The following ZBTB20 variants were observed in gnomAD, a reference collection of about 807,000 sequenced individuals.
The protein encoded by ZBTB20 is zinc finger and BTB domain-containing protein 20.
ZBTB20 carries 9 observed loss-of-function variants against 56.9 expected under a neutral mutation model. The observed-to-expected ratio is 0.16, with a 90% confidence interval of 0.10 to 0.28. ZBTB20 has a LOEUF of 0.28. Ranked by LOEUF, ZBTB20 falls within the 10% of genes least tolerant of loss-of-function variation. The pLI is 1.00. For synonymous variants in ZBTB20, 417 were observed against 420.7 expected (o/e 0.99, Z 0.11); for missense variants, 655 against 1,003.0 (o/e 0.65, Z 4.69).
chr3:114,635,982 T>C (rs571658456), intron 6 of ZBTB20, among the ~76,000 whole-genome samples: 5 of 152,072 alleles, frequency 3.3e-5, no homozygotes, highest in African/African-American at 1.2e-4. Context: ...CAAGACCCAT[T>C]ATAATCCAAT....
At chr3:115,134,552 T>G (rs2084602846) in intron 1 of ZBTB20, among the ~76,000 whole-genome samples, 1 of 152,226 alleles carries the variant, frequency 6.6e-6, no homozygotes, top group Admixed American at 6.5e-5. Flanking sequence ...TTTGGTCTTT[T>G]CATTCACTAA....
At chr3:114,510,947 G>A (rs1422254035) in intron 6 of ZBTB20, among the ~76,000 whole-genome samples, 4 of 151,784 alleles carry the variant, frequency 2.6e-5, no homozygotes, top group African/African-American at 9.7e-5. Context: ...TTTTTCCAAA[G>A]GGAATGCCTT....
At chr3:115,107,547 T>C (rs1240239342) in intron 1 of ZBTB20, among the ~76,000 whole-genome samples, 2 of 152,190 alleles carry the variant, frequency 1.3e-5, no homozygotes, top group African/African-American at 4.8e-5. Context: ...TTTTACACCA[T>C]TGGTGGGAAT....
chr3:114,734,691 T>C (rs1194900685), intron 5 of ZBTB20, among the ~76,000 whole-genome samples: 2 of 152,092 alleles, frequency 1.3e-5, no homozygotes, highest in Non-Finnish European at 2.9e-5. Flanking sequence ...GAAAGATTAA[T>C]AAAAGCAAGA....
intron 2 of ZBTB20, among the ~76,000 whole-genome samples, chr3:115,042,008 T>C (rs528987484): frequency 6.6e-6 from 1 of 152,196 alleles, no homozygotes; most frequent in South Asian, 2.1e-4. Context: ...CTCTTGCCAC[T>C]CCATCCCCAG....
intron 6 of ZBTB20, among the ~76,000 whole-genome samples, chr3:114,562,118 GGAGTCA>G (rs2052140694): frequency 6.6e-6 from 1 of 151,896 alleles, no homozygotes; most frequent in South Asian, 2.1e-4. Flanking sequence ...ATAGAATTGA[GGAGTCA>G]GTGCCTTGCT....
chr3:114,601,826 T>C (rs754158905), intron 6 of ZBTB20, among the ~76,000 whole-genome samples: 3 of 151,926 alleles, frequency 2.0e-5, no homozygotes, highest in Non-Finnish European at 4.4e-5. Flanking sequence ...ATTTGGTTTG[T>C]GAAAGAGAGT....
At chr3:114,683,016 T>TA (rs1405091048) in intron 6 of ZBTB20, among the ~76,000 whole-genome samples, 1 of 152,218 alleles carries the variant, frequency 6.6e-6, no homozygotes, top group African/African-American at 2.4e-5. Context: ...AAATGTTTGA[T>TA]AAACTTTTCT....
At chr3:114,360,986 T>C (rs2081809000) in intron 10 of ZBTB20, among the ~76,000 whole-genome samples, 1 of 152,162 alleles carries the variant, frequency 6.6e-6, no homozygotes, top group Non-Finnish European at 1.5e-5. Context: ...GTAGAAGGCA[T>C]ACTTTATAAT....
At chr3:114,451,340 A>G (rs1379814709) in intron 7 of ZBTB20, among the ~76,000 whole-genome samples, 1 of 152,082 alleles carries the variant, frequency 6.6e-6, no homozygotes, top group East Asian at 1.9e-4. Flanking sequence ...ACTGCTGTGC[A>G]TGCTGATGAA....
chr3:114,571,933 C>G (rs2053482254), intron 6 of ZBTB20, among the ~76,000 whole-genome samples: 1 of 152,178 alleles, frequency 6.6e-6, no homozygotes, highest in Non-Finnish European at 1.5e-5. Context: ...CCTGTATACT[C>G]TGTCCCAGTC....
rs1320290237 is a variant in ZBTB20 at position 114,315,963 on chromosome 3, T to A, written c.*23042A>T. On this transcript the variant is annotated 3_prime_UTR_variant, in exon 12 of 12. Coordinates refer to ENST00000675478, the MANE Select transcript of ZBTB20 (RefSeq NM_001348800.3). ...GGTGCTTCAAAAAAGGTTTTTTGTT[T>A]TTTTGTTTTTTTTTTCAGTTTTTAT... The A allele has an allele frequency of 6.5e-6, 1 of 154,166 alleles. No individual in the cohort carries two copies. The highest frequency in any genetic ancestry group is 1.9e-4 in the East Asian group (1 of 5,232). 9.5% of individuals were successfully genotyped at this position (154,166 alleles called of 1,614,324 possible). A position where few individuals can be genotyped will look rare whatever the true frequency, so the allele number is the denominator to read the frequency against.
intron 2 of ZBTB20, among the ~76,000 whole-genome samples, chr3:115,011,657 AG>A (rs1430509532): frequency 6.6e-6 from 1 of 151,930 alleles, no homozygotes; most frequent in Non-Finnish European, 1.5e-5. Flanking sequence ...GAAATGCTAA[AG>A]GGAGTACTTC....
At chr3:114,905,021 A>G (rs1188354324) in intron 3 of ZBTB20, among the ~76,000 whole-genome samples, 1 of 151,972 alleles carries the variant, frequency 6.6e-6, no homozygotes, top group Non-Finnish European at 1.5e-5. Flanking sequence ...AGAATTTAAT[A>G]TCAAATTTCA....
chr3:114,913,101 C>G (rs2075608233), intron 3 of ZBTB20, among the ~76,000 whole-genome samples: 1 of 151,926 alleles, frequency 6.6e-6, no homozygotes, highest in Non-Finnish European at 1.5e-5. Flanking sequence ...ATATACCTAG[C>G]AGTCAGATTG....
At chr3:114,962,227 C>T (rs1002598424) in intron 3 of ZBTB20, among the ~76,000 whole-genome samples, 2 of 152,030 alleles carry the variant, frequency 1.3e-5, no homozygotes, top group Admixed American at 1.3e-4. Flanking sequence ...AGCATGATAG[C>T]ACTAAAATCT....
At chr3:114,460,507 T>C (rs183186846) in intron 7 of ZBTB20, among the ~76,000 whole-genome samples, 55 of 151,410 alleles carry the variant, frequency 3.6e-4, no homozygotes, top group African/African-American at 1.2e-3. Flanking sequence ...AAACAAGAGG[T>C]TGGGGTTATT....
chr3:114,796,300 A>G (rs1401800439), intron 5 of ZBTB20, among the ~76,000 whole-genome samples: 5 of 152,006 alleles, frequency 3.3e-5, no homozygotes, highest in Non-Finnish European at 1.5e-5. Flanking sequence ...CAGATGCTGG[A>G]ACAATATGAA....
rs113561522 is a variant in ZBTB20, at chr3:114,870,925, T to G, written c.-417+29379A>C. On this transcript the variant is annotated intron_variant, in intron 4 of 11. Coordinates refer to ENST00000675478, the MANE Select transcript of ZBTB20 (RefSeq NM_001348800.3). ...CCCTTCCTTTTACCCAAGTGAAATT[T>G]TGTCACTTTTGAGTTCCCCTCCCCT... Among the ~76,000 whole-genome samples the G allele has an allele frequency of 4.4e-3, 665 of 152,220 alleles. 4 individuals are homozygous for G. The highest frequency in any genetic ancestry group is 0.015 in the African/African-American group (636 of 41,540).
Sources: allele counts gnomAD v4.1 joint callset (sites outside exome capture counted in the v4.1 genomes callset), GRCh38; gene constraint gnomAD v4.1.1; transcripts MANE v1.5; gene names NCBI Gene and HGNC (gene_info 2026-07-23, HGNC 2026-07-21).